SEC24A: variants seen among roughly 807,000 people sequenced by gnomAD.
SEC24A encodes SEC24 homolog A, COPII component.
SEC24A carries 93 observed loss-of-function variants against 129.4 expected under a neutral mutation model. The observed-to-expected ratio is 0.72, with a 90% CI of 0.61 to 0.85. SEC24A has a LOEUF of 0.85. SEC24A is among the 40% of genes least tolerant of loss of function. SEC24A has a pLI of 0.00. For synonymous variants in SEC24A, 460 were observed against 467.3 expected (o/e 0.98, Z 0.20); for missense variants, 1,264 against 1,307.4 (o/e 0.97, Z 0.51).
chr5:134,649,910 A>G (rs1176085012), intron 1 of SEC24A, among the ~76,000 whole-genome samples: 1 of 152,174 alleles, frequency 6.6e-6, no homozygotes, highest in Non-Finnish European at 1.5e-5. Context: ...TGCTAAGATT[A>G]TTTCAGTTGT....
intron 7 of SEC24A, among the ~76,000 whole-genome samples, chr5:134,677,917 T>G (rs1166124667): frequency 2.6e-5 from 4 of 152,060 alleles, no homozygotes; most frequent in Non-Finnish European, 4.4e-5. Context: ...TGGCTCTCAG[T>G]TAAGTTGATC....
intron 1 of SEC24A, among the ~76,000 whole-genome samples, chr5:134,659,842 G>C (rs1479506561): frequency 6.6e-6 from 1 of 151,812 alleles, no homozygotes; most frequent in Non-Finnish European, 1.5e-5. Context: ...TTATAGAGAC[G>C]AGGTCTTACT....
intron 18 of SEC24A, among the ~76,000 whole-genome samples, chr5:134,714,719 CATT>C (rs1752428242): frequency 6.6e-6 from 1 of 152,152 alleles, no homozygotes; most frequent in African/African-American, 2.4e-5. Context: ...ATTGTTACAT[CATT>C]ATCACTATCA....
At chr5:134,668,556 T>A (rs1398038751) in intron 3 of SEC24A, among the ~76,000 whole-genome samples, 4 of 152,118 alleles carry the variant, frequency 2.6e-5, no homozygotes, top group African/African-American at 9.7e-5. Flanking sequence ...CGAAACCCTG[T>A]CTCTACTAAA....
chr5:134,725,250 C>A lies in SEC24A; in HGVS notation c.*156C>A. On this transcript the variant is annotated 3_prime_UTR_variant, in exon 23 of 23. Coordinates refer to ENST00000398844, the MANE Select transcript of SEC24A (RefSeq NM_021982.3). The stretch of plus-strand genomic sequence containing the variant: ...TCAACAACCTATAGCAAATAAAAGA[C>A]CACAGCAGAGAATCAAACATGCAAC... 1 of 535,154 alleles carries A rather than the reference C, an allele frequency of 1.9e-6. No individual in the cohort carries two copies. Among genetic ancestry groups the A allele is most frequent in the South Asian group, 2.8e-5 (1 of 35,694 alleles). The allele number at this position is 535,154 out of a possible 1,614,324, so 33.2% of individuals were successfully genotyped here.
At chr5:134,682,013 G>A (rs1312094222) in intron 8 of SEC24A, among the ~76,000 whole-genome samples, 2 of 152,040 alleles carry the variant, frequency 1.3e-5, no homozygotes, top group Non-Finnish European at 2.9e-5. Flanking sequence ...AGGCCAAGGC[G>A]GGCGGATCAC....
chr5:134,692,193 T>C (rs1358499067), intron 11 of SEC24A, among the ~76,000 whole-genome samples: 2 of 151,852 alleles, frequency 1.3e-5, no homozygotes, highest in East Asian at 3.9e-4. Flanking sequence ...ACTATAGGCA[T>C]GTACCACCAT....
At chr5:134,716,734 G>T (rs1293203412) in intron 19 of SEC24A, among the ~76,000 whole-genome samples, 1 of 148,390 alleles carries the variant, frequency 6.7e-6, no homozygotes, top group Non-Finnish European at 1.5e-5. Flanking sequence ...GGAGGCAAAG[G>T]TCGCAGTGAG....
In SEC24A at chr5:134,664,743, T is replaced by C. The variant is rs889656141; in HGVS notation, c.566-2080T>C. 2.6e-5 allele frequency among the ~76,000 whole-genome samples: 4 copies of C among 151,930 alleles called. No individual in the cohort carries two copies. The Admixed American group carries it at 2.6e-4, about 10-fold the overall frequency. On this transcript the variant is annotated intron_variant, in intron 2 of 22. Transcript: ENST00000398844. ...TTCACTTTTGTCAACAAGGCACTGATAGTCTTGTTAGCAGTTGTAAGATTC... is the reference window on the plus strand; with the variant it reads ...TTCACTTTTGTCAACAAGGCACTGACAGTCTTGTTAGCAGTTGTAAGATTC...
At chr5:134,704,598 C>T (rs750299571) in intron 16 of SEC24A, among the ~76,000 whole-genome samples, 15 of 151,854 alleles carry the variant, frequency 9.9e-5, no homozygotes, top group Admixed American at 2.0e-4. Context: ...GCCAGGAGTT[C>T]AAGACCAGCC....
chr5:134,673,075 A>C (rs1750928546), intron 4 of SEC24A, among the ~76,000 whole-genome samples: 1 of 104,250 alleles, frequency 9.6e-6, no homozygotes, highest in African/African-American at 3.5e-5. Flanking sequence ...TTTTTTTCTG[A>C]GATGGATTCT....
chr5:134,677,731 G>A (rs1751117032), intron 7 of SEC24A, among the ~76,000 whole-genome samples: 1 of 151,718 alleles, frequency 6.6e-6, no homozygotes, highest in African/African-American at 2.4e-5. Flanking sequence ...CAGCTACTGG[G>A]GAGGCTGAGG....
At chr5:134,684,719 CAAAAA>C (rs60536443) in intron 9 of SEC24A, among the ~76,000 whole-genome samples, 1 of 151,268 alleles carries the variant, frequency 6.6e-6, no homozygotes, top group African/African-American at 2.4e-5. Context: ...TCTCAAAAAA[CAAAAA>C]AGAAAAAGAA....
intron 5 of SEC24A, 92 bp downstream of exon 5, chr5:134,674,867 T>G: frequency 8.2e-7 from 1 of 1,214,916 alleles, no homozygotes; most frequent in Non-Finnish European, 1.1e-6. Context: ...TATTATACAT[T>G]TTTATAACCA....
At chr5:134,721,175 T>C in intron 21 of SEC24A, 85 bp downstream of exon 21, 1 of 804,010 alleles carries the variant, frequency 1.2e-6, no homozygotes, top group Non-Finnish European at 2.1e-6. Flanking sequence ...TATCAGAAAA[T>C]AATAACAAAA....
At chr5:134,697,340 A>G in intron 14 of SEC24A, 94 bp downstream of exon 14, 1 of 1,022,408 alleles carries the variant, frequency 9.8e-7, no homozygotes, top group Non-Finnish European at 1.4e-6. Context: ...AAGTTAAAGA[A>G]TATGTATGCC....
Position 134,721,078 on chromosome 5 carries a change from T to G in SEC24A, c.3051T>G (p.Ile1017Met). The G allele has an allele frequency of 6.2e-7, 1 of 1,603,132 alleles. No individual in the cohort carries two copies. The highest frequency in any genetic ancestry group is 1.1e-5 in the South Asian group (1 of 90,804). ...QVLGVQNYASIPQPMTDLPEL... is the reference protein window; with the variant it reads ...QVLGVQNYASMPQPMTDLPEL... ...TAGGAGTTCAAAACTATGCATCAATTCCACAGCCTATGGTAAGACTCTTTT... is the reference window on the plus strand; with the variant it reads ...TAGGAGTTCAAAACTATGCATCAATGCCACAGCCTATGGTAAGACTCTTTT... Residue 1017 changes from isoleucine (I) to methionine (M), a missense_variant, in exon 21 of 23, where the codon ATT becomes ATG. Coordinates refer to ENST00000398844, the MANE Select transcript of SEC24A (RefSeq NM_021982.3).
In SEC24A at chr5:134,718,188, T is replaced by C; in HGVS notation, c.2970+15T>C. The C allele has an allele frequency of 6.3e-7, 1 of 1,577,562 alleles. No individual in the cohort carries two copies. Among genetic ancestry groups the C allele is most frequent in the South Asian group, 1.1e-5 (1 of 90,372 alleles). On this transcript the variant is annotated intron_variant, in intron 20 of 22. Transcript: ENST00000398844. ...ATGCAGGCTCTGTAAGTAATTTGAC[T>C]TATCCTGACCCTCACTGCAAACTAC...
intron 2 of SEC24A, among the ~76,000 whole-genome samples, chr5:134,666,482 G>A (rs562009214): frequency 3.9e-5 from 6 of 152,084 alleles, no homozygotes; most frequent in Admixed American, 6.6e-5. Context: ...TCTTGAACCC[G>A]GGAGGTGGAG....
Sources: gnomAD v4.1 joint callset for allele counts (sites outside exome capture counted in the v4.1 genomes callset) on GRCh38, gnomAD v4.1.1 for gene constraint, MANE v1.5 for transcripts, NCBI Gene and HGNC (gene_info 2026-07-23, HGNC 2026-07-21) for gene names.